The following TUBA4A variants were observed in gnomAD, a reference collection of about 807,000 sequenced individuals.
TUBA4A encodes tubulin alpha 4a, also known as tubulin alpha-4A chain.
In TUBA4A, 23 loss-of-function variants were observed where a neutral mutation model predicts 34.3. The ratio of observed to expected loss-of-function variants is 0.67; its 90% CI spans 0.48 to 0.95. The LOEUF (loss-of-function observed/expected upper bound fraction) is 0.95. TUBA4A is among the 40% of genes least tolerant of loss of function. The pLI is 0.00. For synonymous variants in TUBA4A, 216 were observed against 230.5 expected, an observed-to-expected ratio of 0.94 and a Z score of 0.57; for missense variants, 279 against 599.0, an observed-to-expected ratio of 0.47 and a Z score of 5.58.
In TUBA4A at chr2:219,251,826, G is replaced by T; in HGVS notation, c.227-113C>A. ...ATCCTCCTGCCAGCCTGAGATACCA[G>T]AGTGTGAGAGAAACCCAGACCAGCT... On this transcript the variant is annotated intron_variant, in intron 2 of 3. Transcript: ENST00000248437. The surrounding 1 kb of genome is among the most constrained non-coding windows in gnomAD (Gnocchi z 6.1). The T allele has an allele frequency of 6.9e-7, 1 of 1,441,226 alleles. No homozygotes were observed. The allele number at this position is 1,441,226 out of a possible 1,614,324, so 89.3% of individuals were successfully genotyped here. A position where few individuals can be genotyped will look rare whatever the true frequency, so the allele number is the denominator to read the frequency against.
Position 219,252,001 on chromosome 2 carries a change from C to T in TUBA4A, c.226+7G>A. ...CCCCCTTCAATTTTGTCCCCACTTC[C>T]TCTCACCAATGACCGTAGGCTCCAG... On this transcript the variant is annotated splice_region_variant and intron_variant, in intron 2 of 3. Transcript: ENST00000248437. The surrounding 1 kb of genome is among the most constrained non-coding windows in gnomAD (Gnocchi z 4.1). The T allele has an allele frequency of 1.2e-6, 2 of 1,613,908 alleles. No individual in the cohort carries two copies. The highest frequency in any genetic ancestry group is 1.7e-6 in the Non-Finnish European group (2 of 1,179,780).
upstream of TUBA4A, chr2:219,253,946 T>G: frequency 3.3e-4 from 247 of 753,874 alleles, no homozygotes; most frequent in Middle Eastern, 4.3e-4. Context: ...ACCGCCCTTA[T>G]AGGCGGGGGG....
Position 219,253,881 on chromosome 2 carries a change from C to T in TUBA4A, c.-23G>A, listed in dbSNP as rs1224658137. The T allele has an allele frequency of 6.9e-7, 1 of 1,442,478 alleles. No individual in the cohort carries two copies. The highest frequency in any genetic ancestry group is 9.1e-7 in the Non-Finnish European group (1 of 1,097,326). The allele number at this position is 1,442,478 out of a possible 1,614,324, so 89.4% of individuals were successfully genotyped here. ...CATGGTGAGTCCGGGCGGTGCGTCT[C>T]ACGTTGAGTCGGGGTGACAGGTCTC... is the stretch of plus-strand genomic sequence containing the variant. On this transcript the variant is annotated 5_prime_UTR_variant, in exon 1 of 4. Transcript: ENST00000248437.
Position 219,250,399 on chromosome 2 carries a change from C to T in TUBA4A, c.1300G>A (p.Glu434Lys). The change falls in exon 4 of 4, where the codon GAG becomes AAG. Residue 434 changes from glutamate to lysine, a missense_variant. Physicochemically the swap from Glu to Lys is moderately conservative, Grantham distance 56 (BLOSUM62 1). Around this residue, in one of 3 missense-constraint regions of TUBA4A, gnomAD observed 73 missense variants for 128.0 expected, o/e 0.57. Coordinates refer to ENST00000248437, the MANE Select transcript of TUBA4A (RefSeq NM_006000.3). This position sits in a 1 kb window ranked among gnomAD's most constrained non-coding sequence, Gnocchi z 8.4. ...DMAALEKDYE[E>K]VGIDSYEDED... ...TCCTCATAGGAGTCGATGCCCACCT[C>T]CTCATAATCCTTCTCCAGGGCAGCC... The T allele has an allele frequency of 1.2e-6, 2 of 1,614,204 alleles. No individual in the cohort carries two copies. Among genetic ancestry groups the T allele is most frequent in the Non-Finnish European group, 1.7e-6 (2 of 1,179,990 alleles).
rs1056897336 is a variant in TUBA4A at position 219,250,274 on chromosome 2, C to A, written c.*78G>T. ...CAGAAGCTCAAGCACTCAGAGGGAA[C>A]AAGAAACCGTGCAAGGAAACTGTTT... On this transcript the variant is annotated 3_prime_UTR_variant, in exon 4 of 4. Transcript: ENST00000248437. This position sits in a 1 kb window ranked among gnomAD's most constrained non-coding sequence, Gnocchi z 8.4. 2 of 1,537,966 alleles carry A rather than the reference C, an allele frequency of 1.3e-6. No individual in the cohort carries two copies. Among genetic ancestry groups the A allele is most frequent in the Non-Finnish European group, 1.8e-6 (2 of 1,142,218 alleles).
chr2:219,251,485 C>T lies in TUBA4A; in HGVS notation c.375+80G>A. 2 of 1,561,952 alleles carry T rather than the reference C, an allele frequency of 1.3e-6. No individual in the cohort carries two copies. Among genetic ancestry groups the T allele is most frequent in the African/African-American group, 1.4e-5 (1 of 73,914 alleles). ...GACCATGTATAGTTAGAGATGACCT[C>T]CTGAAAGGATCTGAAAAAAAATATT... On this transcript the variant is annotated intron_variant, in intron 3 of 3. Transcript: ENST00000248437. This position sits in a 1 kb window ranked among gnomAD's most constrained non-coding sequence, Gnocchi z 6.1.
rs183003213 is a variant in TUBA4A at position 219,249,806 on chromosome 2, C to T, written c.*546G>A. Reference sequence around the variant, plus strand: ...CTGCTCAGAGGTGCAGTGGCACAAACAACTCTAGGAGATCGCCTGTGTTCC... The same window carrying T: ...CTGCTCAGAGGTGCAGTGGCACAAATAACTCTAGGAGATCGCCTGTGTTCC... On this transcript the variant is annotated 3_prime_UTR_variant, in exon 4 of 4. Coordinates refer to ENST00000248437, the MANE Select transcript of TUBA4A (RefSeq NM_006000.3). The T allele has an allele frequency of 6.5e-6, 1 of 154,432 alleles. No individual in the cohort carries two copies. The highest frequency in any genetic ancestry group is 2.4e-5 in the African/African-American group (1 of 41,594). The allele number at this position is 154,432 out of a possible 1,614,324, so 9.6% of individuals were successfully genotyped here. A position where few individuals can be genotyped will look rare whatever the true frequency, so the allele number is the denominator to read the frequency against.
chr2:219,251,547 C>A lies in TUBA4A; in HGVS notation c.375+18G>T. The A allele has an allele frequency of 6.2e-7, 1 of 1,610,726 alleles. No homozygotes were observed. Among genetic ancestry groups the A allele is most frequent in the Non-Finnish European group, 8.5e-7 (1 of 1,177,658 alleles). The stretch of plus-strand genomic sequence containing the variant: ...GCACAGTCTCAAAAGTTCCCTCCCT[C>A]CCAAGACACACTCTCACCAGCTTGC... On this transcript the variant is annotated intron_variant, in intron 3 of 3. Coordinates refer to ENST00000248437, the MANE Select transcript of TUBA4A (RefSeq NM_006000.3). This position sits in a 1 kb window ranked among gnomAD's most constrained non-coding sequence, Gnocchi z 6.1.
At position 219,250,095 on chromosome 2, in the gene TUBA4A, T is replaced by C. The variant is rs1303877678; in HGVS notation, c.*257A>G. 1 of 520,240 alleles carries C rather than the reference T, an allele frequency of 1.9e-6. No homozygotes were observed. The highest frequency in any genetic ancestry group is 3.4e-6 in the Non-Finnish European group (1 of 293,160). The allele number at this position is 520,240 out of a possible 1,614,324, so 32.2% of individuals were successfully genotyped here. A position where few individuals can be genotyped will look rare whatever the true frequency, so the allele number is the denominator to read the frequency against. On this transcript the variant is annotated 3_prime_UTR_variant, in exon 4 of 4. Transcript: ENST00000248437. This position sits in a 1 kb window ranked among gnomAD's most constrained non-coding sequence, Gnocchi z 8.4. Reference sequence around the variant, plus strand: ...TGGATTTTGGTCCTCATTTCCTCCCTATACTGAGTAACCCTAGGACTTCAA... The same window carrying C: ...TGGATTTTGGTCCTCATTTCCTCCCCATACTGAGTAACCCTAGGACTTCAA...
chr2:219,251,470 A>G lies in TUBA4A; in HGVS notation c.375+95T>C. ...CAGCACCACACTCGAGACCATGTAT[A>G]GTTAGAGATGACCTCCTGAAAGGAT... On this transcript the variant is annotated intron_variant, in intron 3 of 3. Transcript: ENST00000248437. This position sits in a 1 kb window ranked among gnomAD's most constrained non-coding sequence, Gnocchi z 6.1. The G allele has an allele frequency of 6.5e-7, 1 of 1,548,478 alleles. No individual in the cohort carries two copies. Among genetic ancestry groups the G allele is most frequent in the Non-Finnish European group, 8.8e-7 (1 of 1,141,240 alleles).
intron 1 of TUBA4A, chr2:219,253,362 G>GT (rs1553571383): frequency 6.5e-7 from 1 of 1,534,442 alleles, no homozygotes; most frequent in African/African-American, 1.4e-5. Flanking sequence ...CACGGGGGGG[G>GT]GGTGGTTCTG....
At position 219,252,112 on chromosome 2, in the gene TUBA4A, G is replaced by A. The variant is rs772807683; in HGVS notation, c.122C>T (p.Thr41Ile). ...GAAGGAGTCGTCCCCTCCACCAATG[G>A]TCTTGTCACTGGGCATCTGCCCATC... ...QPDGQMPSDK[T>I]IGGGDDSFTT... is the part of the protein sequence containing the mutation. Residue 41 changes from threonine to isoleucine, a missense_variant, in exon 2 of 4, where the codon ACC becomes ATC. Transcript: ENST00000248437. The surrounding 1 kb of genome is among the most constrained non-coding windows in gnomAD (Gnocchi z 4.1). 3 of 1,614,012 alleles carry A rather than the reference G, an allele frequency of 1.9e-6. No individual in the cohort carries two copies. The highest frequency in any genetic ancestry group is 2.5e-6 in the Non-Finnish European group (3 of 1,180,020).
intron 1 of TUBA4A, 43 bp downstream of exon 1, chr2:219,253,813 G>A (rs1951689108): frequency 6.5e-7 from 1 of 1,531,630 alleles, no homozygotes; most frequent in Non-Finnish European, 8.8e-7. Flanking sequence ...AAAGGAGAGG[G>A]GCAATTAGGG....
At chr2:219,254,171 C>T, upstream of TUBA4A, 1 of 310,550 alleles carries the variant, frequency 3.2e-6, no homozygotes, top group Non-Finnish European at 5.9e-6. Flanking sequence ...CGCTGGGCTC[C>T]CGAGGGCCTC....
Position 219,250,037 on chromosome 2 carries a change from G to A in TUBA4A, c.*315C>T. 2 of 309,604 alleles carry A rather than the reference G, an allele frequency of 6.5e-6. No homozygotes were observed. The highest frequency in any genetic ancestry group is 1.2e-5 in the Non-Finnish European group (2 of 164,954). The allele number at this position is 309,604 out of a possible 1,614,324, so 19.2% of individuals were successfully genotyped here. On this transcript the variant is annotated 3_prime_UTR_variant, in exon 4 of 4. Transcript: ENST00000248437. This position sits in a 1 kb window ranked among gnomAD's most constrained non-coding sequence, Gnocchi z 8.4. ...CTGGATTATACTCCTACTTGGAAAG[G>A]AGCTGAAGACTCATCCTTCAACAGT...
In TUBA4A at chr2:219,252,616, T is replaced by C. The variant is rs78769842; in HGVS notation, c.4-386A>G. 0.023 allele frequency among the ~76,000 whole-genome samples: 3,541 copies of C among 151,714 alleles called. 142 individuals are homozygous for C. The highest frequency in any genetic ancestry group is 0.081 in the African/African-American group (3,361 of 41,358). On this transcript the variant is annotated intron_variant, in intron 1 of 3. Coordinates refer to ENST00000248437, the MANE Select transcript of TUBA4A (RefSeq NM_006000.3). The surrounding 1 kb of genome is among the most constrained non-coding windows in gnomAD (Gnocchi z 4.1). ...TCATAGAACCCTTTCCCTCTTTCTT[T>C]CCTGTAAGCTGCAGAGGTGTCTCAG...
At chr2:219,253,104 G>T in intron 1 of TUBA4A, 1 of 1,442,968 alleles carries the variant, frequency 6.9e-7, no homozygotes, top group Non-Finnish European at 9.4e-7. Flanking sequence ...TCCCTCTGGA[G>T]TCTTTACAGT....
At position 219,250,476 on chromosome 2, in the gene TUBA4A, T is replaced by C. The variant is rs1559275689; in HGVS notation, c.1223A>G (p.Tyr408Cys). 1.2e-6 allele frequency: 2 copies of C among 1,614,188 alleles called. No homozygotes were observed. Among genetic ancestry groups the C allele is most frequent in the East Asian group, 2.2e-5 (1 of 44,888 alleles). Reference sequence around the variant, plus strand: ...ACCCTCCTCCATGCCCTCACCCACATACCAGTGCACAAACGCCCTCTTGGC... The same window carrying C: ...ACCCTCCTCCATGCCCTCACCCACACACCAGTGCACAAACGCCCTCTTGGC... ...MYAKRAFVHW[Y>C]VGEGMEEGEF... Residue 408 changes from tyrosine to cysteine, a missense_variant, in exon 4 of 4, where the codon TAT becomes TGT. Tyr to Cys is a radical substitution (Grantham distance 194). Transcript: ENST00000248437. The surrounding 1 kb of genome is among the most constrained non-coding windows in gnomAD (Gnocchi z 8.4).
upstream of TUBA4A, chr2:219,254,553 GA>G (rs1199543134): frequency 6.6e-6 from 1 of 152,346 alleles, no homozygotes; most frequent in Non-Finnish European, 1.5e-5. Flanking sequence ...TGCCGGGGCC[GA>G]CCCCGGAATC....
Sources: gnomAD v4.1 joint callset for allele counts (sites outside exome capture counted in the v4.1 genomes callset) on GRCh38, gnomAD v4.1.1 for gene constraint, gnomAD v4.1.1 regional missense constraint, Gnocchi (gnomAD v3.1) non-coding constraint, MANE v1.5 for transcripts, NCBI Gene and HGNC (gene_info 2026-07-23, HGNC 2026-07-21) for gene names.